The following KCNQ5 variants were observed in gnomAD, a reference collection of about 807,000 sequenced individuals.
KCNQ5 encodes potassium voltage-gated channel subfamily KQT member 5.
In KCNQ5, 30 loss-of-function variants were observed where a neutral mutation model predicts 98.2. The observed-to-expected ratio is 0.31, with a 90% CI of 0.23 to 0.41. KCNQ5 has a LOEUF of 0.41. Among genes scored for constraint, KCNQ5 ranks in the 10% least tolerant of loss-of-function variants. KCNQ5 has a pLI of 1.00. For missense variants in KCNQ5, 835 were observed against 1,182.5 expected, an observed-to-expected ratio of 0.71 and a Z score of 4.31; for synonymous variants, 458 against 449.4, an observed-to-expected ratio of 1.02 and a Z score of -0.24.
At chr6:73,154,658 C>T (rs1777284047) in intron 10 of KCNQ5, among the ~76,000 whole-genome samples, 1 of 152,092 alleles carries the variant, frequency 6.6e-6, no homozygotes, top group Non-Finnish European at 1.5e-5. Context: ...TGCATTTCCA[C>T]CTAAAAATAA....
intron 10 of KCNQ5, among the ~76,000 whole-genome samples, chr6:73,142,349 T>C (rs1248267148): frequency 6.6e-6 from 1 of 152,120 alleles, no homozygotes; most frequent in Non-Finnish European, 1.5e-5. Flanking sequence ...AAATTGCAGA[T>C]TTCAACCAGT....
intron 3 of KCNQ5, among the ~76,000 whole-genome samples, chr6:73,064,040 A>T (rs751070881): frequency 1.3e-5 from 2 of 152,150 alleles, no homozygotes. Context: ...TTTCCCAGAT[A>T]ATACTTAGAA....
chr6:73,173,790 GAAA>G (rs909439971), intron 11 of KCNQ5, among the ~76,000 whole-genome samples: 1 of 145,662 alleles, frequency 6.9e-6, no homozygotes, highest in Admixed American at 6.8e-5. Flanking sequence ...TCTCTAAAGG[GAAA>G]AAAAAAAAAG....
chr6:73,117,482 T>C (rs1331607343), intron 7 of KCNQ5, among the ~76,000 whole-genome samples: 1 of 152,226 alleles, frequency 6.6e-6, no homozygotes. Flanking sequence ...TCAGGTCTCA[T>C]TGTAAAGAAA....
chr6:72,895,555 G>A (rs1022369408), intron 1 of KCNQ5, among the ~76,000 whole-genome samples: 2 of 151,350 alleles, frequency 1.3e-5, no homozygotes, highest in Admixed American at 6.6e-5. Context: ...TAGGAGGAAC[G>A]TTAAGTAACA....
intron 1 of KCNQ5, among the ~76,000 whole-genome samples, chr6:72,642,050 T>C (rs1169283047): frequency 1.3e-5 from 2 of 151,140 alleles, no homozygotes; most frequent in Non-Finnish European, 1.5e-5. Context: ...CAAACACAGC[T>C]TGGGGAAGGG....
chr6:72,854,911 G>A (rs572816908), intron 1 of KCNQ5, among the ~76,000 whole-genome samples: 4 of 151,884 alleles, frequency 2.6e-5, no homozygotes, highest in African/African-American at 9.7e-5. Context: ...ATCATTTCTA[G>A]TGTCCCTGGC....
At chr6:72,711,642 G>C (rs985104404) in intron 1 of KCNQ5, among the ~76,000 whole-genome samples, 1 of 152,196 alleles carries the variant, frequency 6.6e-6, no homozygotes, top group African/African-American at 2.4e-5. Context: ...TGACTGTGGA[G>C]AATTGGAGTA....
intron 1 of KCNQ5, among the ~76,000 whole-genome samples, chr6:72,997,985 C>A (rs890879681): frequency 2.0e-5 from 3 of 152,140 alleles, no homozygotes; most frequent in African/African-American, 7.2e-5. Context: ...GAAGCTGAGG[C>A]ATGCTCTGAG....
At chr6:72,978,059 T>C (rs558301618) in intron 1 of KCNQ5, among the ~76,000 whole-genome samples, 2 of 152,306 alleles carry the variant, frequency 1.3e-5, no homozygotes, top group African/African-American at 4.8e-5. Flanking sequence ...TAGTAGTGGA[T>C]ACCAAAATAA....
At chr6:73,187,644 A>G (rs890592302) in intron 11 of KCNQ5, among the ~76,000 whole-genome samples, 1 of 152,218 alleles carries the variant, frequency 6.6e-6, no homozygotes, top group Non-Finnish European at 1.5e-5. Context: ...ATGTGAGTAT[A>G]TTGAAATAAC....
intron 1 of KCNQ5, among the ~76,000 whole-genome samples, chr6:72,627,458 G>A (rs1278219111): frequency 2.6e-5 from 4 of 152,152 alleles, no homozygotes; most frequent in Admixed American, 6.5e-5. Context: ...AGATGCATAC[G>A]GAAAAAAGGT....
rs113753831 is a variant in KCNQ5, at chr6:73,036,373, G to A, written c.490-5563G>A. Among the ~76,000 whole-genome samples, 1,094 of 116,328 alleles carry A rather than the reference G, an allele frequency of 9.4e-3. 8 individuals carry two copies. The highest frequency in any genetic ancestry group is 0.042 in the Middle Eastern group (6 of 144). The allele number at this position is 116,328 out of a possible 152,430, so 76.3% of individuals were successfully genotyped here. On this transcript the variant is annotated intron_variant, in intron 2 of 13. Transcript: ENST00000370398. Reference sequence around the variant, plus strand: ...TGCACTCCATTCTGGGCAACAGCGCGAGACTCTGTCTCAAAAAAAAAAAAA... The same window carrying A: ...TGCACTCCATTCTGGGCAACAGCGCAAGACTCTGTCTCAAAAAAAAAAAAA...
rs540985662 is a variant in KCNQ5, at chr6:73,089,847, C to T, written c.918+11960C>T. On this transcript the variant is annotated intron_variant, in intron 5 of 13. Coordinates refer to ENST00000370398, the MANE Select transcript of KCNQ5 (RefSeq NM_019842.4). ...CATTTGGGTTGGTTCCACATTTTTG[C>T]AATTGTGAATTGCGCTGCTATAAAC... Among the ~76,000 whole-genome samples, 10 of 152,180 alleles carry T rather than the reference C, an allele frequency of 6.6e-5. No individual in the cohort carries two copies. In the East Asian group the frequency reaches 1.2e-3, roughly 18 times the overall value.
chr6:72,984,431 C>A (rs866350070), intron 1 of KCNQ5, among the ~76,000 whole-genome samples: 1 of 152,194 alleles, frequency 6.6e-6, no homozygotes, highest in Admixed American at 6.5e-5. Flanking sequence ...ATGCCCCTCC[C>A]GCAGCCAGGC....
chr6:72,879,332 A>G (rs936935759), intron 1 of KCNQ5, among the ~76,000 whole-genome samples: 1 of 151,686 alleles, frequency 6.6e-6, no homozygotes, highest in Non-Finnish European at 1.5e-5. Context: ...ATAAGAAATC[A>G]CTCCTCTTCA....
chr6:72,717,337 T>A (rs1769696525), intron 1 of KCNQ5, among the ~76,000 whole-genome samples: 1 of 152,156 alleles, frequency 6.6e-6, no homozygotes, highest in South Asian at 2.1e-4. Context: ...ATGATAAATT[T>A]TAAGGTGATG....
At chr6:72,767,927 A>G (rs9293913) in intron 1 of KCNQ5, among the ~76,000 whole-genome samples, 113,954 of 151,908 alleles carry the variant, frequency 0.75, 43,793 homozygotes, top group African/African-American at 0.93. Flanking sequence ...AGTCAAACAG[A>G]CTGGCAGCTT....
At chr6:72,760,131 G>A (rs1177485586) in intron 1 of KCNQ5, among the ~76,000 whole-genome samples, 1 of 152,060 alleles carries the variant, frequency 6.6e-6, no homozygotes, top group Non-Finnish European at 1.5e-5. Flanking sequence ...CAGATGACAG[G>A]CTTTGTCTTC....
Sources: gnomAD v4.1 joint callset for allele counts (sites outside exome capture counted in the v4.1 genomes callset) on GRCh38, gnomAD v4.1.1 for gene constraint, MANE v1.5 for transcripts, NCBI Gene and HGNC (gene_info 2026-07-23, HGNC 2026-07-21) for gene names.